Variants in NDUFAF2 observed in about 807,000 individuals in gnomAD.
NDUFAF2 encodes NADH:ubiquinone oxidoreductase complex assembly factor 2, also known as NADH dehydrogenase [ubiquinone] 1 alpha subcomplex assembly factor 2.
NDUFAF2 carries 13 observed loss-of-function variants against 22.8 expected under a neutral mutation model. That is an observed-to-expected ratio of 0.57 (90% confidence interval 0.37 to 0.91). The LOEUF is 0.91. Ranked by LOEUF, NDUFAF2 falls within the 40% of genes least tolerant of loss-of-function variation. NDUFAF2 has a pLI of 0.01. For synonymous variants in NDUFAF2, 53 were observed against 64.2 expected (o/e 0.83, Z 0.84); for missense variants, 162 against 195.2 (o/e 0.83, Z 1.01).
chr5:61,022,438 T>C (rs1185807994), intron 1 of NDUFAF2, among the ~76,000 whole-genome samples: 1 of 152,210 alleles, frequency 6.6e-6, no homozygotes, highest in Non-Finnish European at 1.5e-5. Context: ...AATGATGGTT[T>C]AATAGGGTAT....
chr5:61,151,591 C>T (rs1304136065), intron 3 of NDUFAF2, among the ~76,000 whole-genome samples: 1 of 152,108 alleles, frequency 6.6e-6, no homozygotes, highest in African/African-American at 2.4e-5. Flanking sequence ...CCAGCCTGAC[C>T]AACATGGAGA....
At chr5:61,089,865 T>G (rs1752546020) in intron 2 of NDUFAF2, among the ~76,000 whole-genome samples, 1 of 152,012 alleles carries the variant, frequency 6.6e-6, no homozygotes, top group Non-Finnish European at 1.5e-5. Flanking sequence ...TTCTCCAACC[T>G]CTTTAACTAC....
At chr5:61,128,919 C>T (rs1397373315) in intron 3 of NDUFAF2, among the ~76,000 whole-genome samples, 3 of 152,104 alleles carry the variant, frequency 2.0e-5, no homozygotes, top group Non-Finnish European at 2.9e-5. Flanking sequence ...GGGCTAGTAT[C>T]CAGAATGTAC....
chr5:61,085,633 C>A (rs565383469), intron 2 of NDUFAF2, among the ~76,000 whole-genome samples: 1 of 151,900 alleles, frequency 6.6e-6, no homozygotes, highest in African/African-American at 2.4e-5. Context: ...ACAAAAAGTA[C>A]GTAAAAATTA....
intron 1 of NDUFAF2, among the ~76,000 whole-genome samples, chr5:61,055,775 A>G (rs973455707): frequency 3.3e-5 from 5 of 152,226 alleles, no homozygotes; most frequent in Admixed American, 2.6e-4. Context: ...TTTGTAGTAT[A>G]GGAGGTGATT....
intron 1 of NDUFAF2, among the ~76,000 whole-genome samples, chr5:60,984,715 G>C (rs1018768246): frequency 6.6e-6 from 1 of 152,108 alleles, no homozygotes; most frequent in African/African-American, 2.4e-5. Flanking sequence ...TTTGTATGTT[G>C]AACCAGCCTT....
chr5:60,990,201 A>G (rs1156979883), intron 1 of NDUFAF2, among the ~76,000 whole-genome samples: 1 of 152,088 alleles, frequency 6.6e-6, no homozygotes, highest in Non-Finnish European at 1.5e-5. Flanking sequence ...AAAAATATAC[A>G]GAATGACTAG....
intron 1 of NDUFAF2, among the ~76,000 whole-genome samples, chr5:60,985,295 G>C (rs1311702027): frequency 2.0e-5 from 3 of 151,802 alleles, no homozygotes; most frequent in African/African-American, 4.8e-5. Context: ...TTTCTTCTTT[G>C]TTAGTCTTGC....
At chr5:60,999,302 C>CA (rs1751266497) in intron 1 of NDUFAF2, among the ~76,000 whole-genome samples, 1 of 151,708 alleles carries the variant, frequency 6.6e-6, no homozygotes, top group African/African-American at 2.4e-5. Context: ...AGCCAAAAGG[C>CA]AAAAAACAAC....
chr5:61,151,056 T>C (rs960485484), intron 3 of NDUFAF2, among the ~76,000 whole-genome samples: 1 of 152,194 alleles, frequency 6.6e-6, no homozygotes, highest in African/African-American at 2.4e-5. Context: ...CCTGCACATA[T>C]TTGCTTTGAG....
intron 1 of NDUFAF2, among the ~76,000 whole-genome samples, chr5:60,988,721 A>G (rs1342320080): frequency 1.3e-5 from 2 of 152,202 alleles, no homozygotes; most frequent in Non-Finnish European, 2.9e-5. Flanking sequence ...ATAACTGGCT[A>G]GGTATATGTG....
At chr5:60,987,277 A>C (rs995309093) in intron 1 of NDUFAF2, among the ~76,000 whole-genome samples, 1 of 152,208 alleles carries the variant, frequency 6.6e-6, no homozygotes, top group Admixed American at 6.5e-5. Context: ...AAACTGAATC[A>C]GTAATAAATA....
chr5:60,973,613 G>A (rs1015048854), intron 1 of NDUFAF2, among the ~76,000 whole-genome samples: 3 of 152,132 alleles, frequency 2.0e-5, no homozygotes, highest in East Asian at 1.9e-4. Context: ...AAGGAGTAAC[G>A]TAAGTTATGC....
intron 1 of NDUFAF2, among the ~76,000 whole-genome samples, chr5:61,035,424 G>GTT (rs768889484): frequency 0.046 from 1,866 of 40,530 alleles, 438 homozygotes; most frequent in African/African-American, 0.1. Context: ...CTCTTGCTCT[G>GTT]TTTTTTTTTT....
chr5:61,149,706 C>G (rs1394822226), intron 3 of NDUFAF2, among the ~76,000 whole-genome samples: 4 of 152,000 alleles, frequency 2.6e-5, no homozygotes, highest in Non-Finnish European at 5.9e-5. Context: ...CCTGCTTTAT[C>G]CTTACACAAA....
At chr5:61,022,547 T>C (rs1350667195) in intron 1 of NDUFAF2, among the ~76,000 whole-genome samples, 1 of 152,226 alleles carries the variant, frequency 6.6e-6, no homozygotes. Flanking sequence ...CTACCTTTAA[T>C]TATCTTTTCT....
chr5:61,072,140 A>G (rs1008517103), intron 1 of NDUFAF2, among the ~76,000 whole-genome samples: 3 of 152,234 alleles, frequency 2.0e-5, no homozygotes, highest in Non-Finnish European at 2.9e-5. Flanking sequence ...TGAAATTATG[A>G]TAAAAGATCA....
intron 1 of NDUFAF2, among the ~76,000 whole-genome samples, chr5:61,020,946 G>A (rs1003769534): frequency 1.0e-4 from 15 of 150,590 alleles, no homozygotes; most frequent in Non-Finnish European, 2.1e-4. Context: ...CGCCTGCCTC[G>A]GCCTCCCAGA....
chr5:60,946,856 C>G (rs1750466711), intron 1 of NDUFAF2, among the ~76,000 whole-genome samples: 1 of 152,146 alleles, frequency 6.6e-6, no homozygotes, highest in Non-Finnish European at 1.5e-5. Flanking sequence ...ATAGTTTTGT[C>G]TTTTCTAGAA....
Sources: gnomAD v4.1 joint callset for allele counts (sites outside exome capture counted in the v4.1 genomes callset) on GRCh38, gnomAD v4.1.1 for gene constraint, MANE v1.5 for transcripts, NCBI Gene and HGNC (gene_info 2026-07-23, HGNC 2026-07-21) for gene names.